Variants in GNAL observed in about 807,000 individuals in gnomAD.
The protein encoded by GNAL is guanine nucleotide-binding protein G(olf) subunit alpha.
GNAL carries 18 observed loss-of-function variants against 55.1 expected under a neutral mutation model. The observed-to-expected ratio is 0.33, with a 90% CI of 0.23 to 0.48. GNAL has a LOEUF of 0.48. Ranked by LOEUF, GNAL falls within the 20% of genes least tolerant of loss-of-function variation. The probability of loss-of-function intolerance (pLI) is 0.99; values close to 1 mark genes in which losing one functional copy is unlikely to be tolerated. For synonymous variants in GNAL, 253 were observed against 237.0 expected (o/e 1.07, Z -0.62); for missense variants, 412 against 614.1 (o/e 0.67, Z 3.48).
At position 11,752,462 on chromosome 18, in the gene GNAL, C is replaced by T. The variant is rs775074451; in HGVS notation, c.377-391C>T. 1 of 1,611,508 alleles carries T rather than the reference C, an allele frequency of 6.2e-7. No homozygotes were observed. The highest frequency in any genetic ancestry group is 8.5e-7 in the Non-Finnish European group (1 of 1,178,986). On this transcript the variant is annotated intron_variant, in intron 1 of 11. Coordinates refer to ENST00000334049, the MANE Select transcript of GNAL (RefSeq NM_182978.4). This position sits in a 1 kb window ranked among gnomAD's most constrained non-coding sequence, Gnocchi z 4.5. ...GGGTGTTTGGGCGGCAACAGCAAGA[C>T]GACGGAAGACCAGGGCGTCGATGAA...
chr18:11,712,902 C>T (rs1001370887), intron 1 of GNAL, among the ~76,000 whole-genome samples: 3 of 152,132 alleles, frequency 2.0e-5, no homozygotes, highest in African/African-American at 4.8e-5. Flanking sequence ...GAAACTCCCT[C>T]GTGGGCAAGG....
chr18:11,819,656 G>T (rs1004571140), intron 4 of GNAL, among the ~76,000 whole-genome samples: 1 of 151,766 alleles, frequency 6.6e-6, no homozygotes, highest in Non-Finnish European at 1.5e-5. Flanking sequence ...TATACCCTCA[G>T]ATGTCAAAAA....
At chr18:11,768,969 T>TTA (rs1295689443) in intron 4 of GNAL, among the ~76,000 whole-genome samples, 3 of 81,652 alleles carry the variant, frequency 3.7e-5, no homozygotes, top group Non-Finnish European at 6.7e-5. Flanking sequence ...ATATAATATA[T>TTA]TATATATATT....
chr18:11,824,606 T>A (rs1002484651), intron 4 of GNAL, among the ~76,000 whole-genome samples: 4 of 151,964 alleles, frequency 2.6e-5, no homozygotes, highest in Non-Finnish European at 5.9e-5. Context: ...GAGAATCGCT[T>A]GAACCTGGGA....
At chr18:11,877,264 G>A (rs1216928760) in intron 11 of GNAL, among the ~76,000 whole-genome samples, 1 of 152,208 alleles carries the variant, frequency 6.6e-6, no homozygotes, top group Non-Finnish European at 1.5e-5. Context: ...GACTAGCCTG[G>A]CCAACATGGT....
intron 1 of GNAL, among the ~76,000 whole-genome samples, chr18:11,718,950 T>A (rs2143395200): frequency 6.6e-6 from 1 of 152,280 alleles, no homozygotes; most frequent in Non-Finnish European, 1.5e-5. Flanking sequence ...TAAAGCAAAT[T>A]TAATATGAAT....
chr18:11,861,673 C>T (rs1165239430), intron 5 of GNAL, among the ~76,000 whole-genome samples: 4 of 152,120 alleles, frequency 2.6e-5, no homozygotes, highest in East Asian at 1.9e-4. Context: ...GGGAGCTCGG[C>T]GGCCTCCCAG....
intron 4 of GNAL, among the ~76,000 whole-genome samples, chr18:11,781,812 C>T (rs1477722949): frequency 6.6e-6 from 1 of 152,016 alleles, no homozygotes; most frequent in Non-Finnish European, 1.5e-5. Flanking sequence ...GATGCTATTG[C>T]CAAAAGGGGA....
At chr18:11,727,615 A>G (rs965462043) in intron 1 of GNAL, among the ~76,000 whole-genome samples, 6 of 152,198 alleles carry the variant, frequency 3.9e-5, no homozygotes, top group Non-Finnish European at 5.9e-5. Flanking sequence ...TATTGAGCCA[A>G]TTGTATAAGG....
intron 4 of GNAL, among the ~76,000 whole-genome samples, chr18:11,815,279 C>T (rs920429199): frequency 6.6e-6 from 1 of 152,122 alleles, no homozygotes; most frequent in African/African-American, 2.4e-5. Context: ...TTAGTCCATT[C>T]TCTATATATT....
intron 4 of GNAL, among the ~76,000 whole-genome samples, chr18:11,779,559 AG>A (rs2033874145): frequency 6.6e-6 from 1 of 152,206 alleles, no homozygotes; most frequent in African/African-American, 2.4e-5. Context: ...ACTCTGACCT[AG>A]CTCCAAGATA....
chr18:11,803,360 C>T (rs2034568721), intron 4 of GNAL, among the ~76,000 whole-genome samples: 2 of 152,194 alleles, frequency 1.3e-5, no homozygotes, highest in Admixed American at 1.3e-4. Context: ...AGCACAAAGT[C>T]CTCAAGCTTT....
intron 4 of GNAL, among the ~76,000 whole-genome samples, chr18:11,762,549 C>T (rs2033277259): frequency 6.6e-6 from 1 of 152,184 alleles, no homozygotes; most frequent in East Asian, 1.9e-4. Flanking sequence ...GCTGAATCTT[C>T]CTTGAATGGG....
At chr18:11,738,428 A>T (rs1320892078) in intron 1 of GNAL, among the ~76,000 whole-genome samples, 2 of 151,944 alleles carry the variant, frequency 1.3e-5, no homozygotes, top group Non-Finnish European at 2.9e-5. Flanking sequence ...GTCATCTAGG[A>T]TGGCCTGACC....
chr18:11,744,390 C>G (rs565089458), intron 1 of GNAL, among the ~76,000 whole-genome samples: 1 of 152,232 alleles, frequency 6.6e-6, no homozygotes, highest in East Asian at 1.9e-4. Flanking sequence ...CCCTGCTTTT[C>G]TCTAAAAATC....
chr18:11,733,112 C>T (rs1259185228), intron 1 of GNAL, among the ~76,000 whole-genome samples: 3 of 152,184 alleles, frequency 2.0e-5, no homozygotes, highest in African/African-American at 7.2e-5. Context: ...TGCTCAGAGT[C>T]GGGTTGTTTC....
intron 7 of GNAL, among the ~76,000 whole-genome samples, chr18:11,866,341 A>T (rs1280018984): frequency 6.6e-6 from 1 of 150,502 alleles, no homozygotes; most frequent in East Asian, 1.9e-4. Flanking sequence ...AGGACAAAAA[A>T]ATCTAGCCCG....
chr18:11,833,650 C>T (rs977893712), intron 5 of GNAL: 2 of 152,214 alleles, frequency 1.3e-5, no homozygotes, highest in Admixed American at 6.5e-5. Flanking sequence ...CCTTATCTAA[C>T]GTAACCCTCA....
intron 4 of GNAL, among the ~76,000 whole-genome samples, chr18:11,790,986 C>CGATTGA (rs377450210): frequency 6.6e-6 from 1 of 151,854 alleles, no homozygotes; most frequent in African/African-American, 2.4e-5. Context: ...AAAACTATTC[C>CGATTGA]AATACTTAAT....
Sources: gnomAD v4.1 joint callset for allele counts (sites outside exome capture counted in the v4.1 genomes callset) on GRCh38, gnomAD v4.1.1 for gene constraint, Gnocchi (gnomAD v3.1) non-coding constraint, MANE v1.5 for transcripts, NCBI Gene and HGNC (gene_info 2026-07-23, HGNC 2026-07-21) for gene names.